The following PPFIA1 variants were observed in gnomAD, a reference collection of about 807,000 sequenced individuals.
The protein encoded by PPFIA1 is liprin-alpha-1.
A neutral mutation model predicts 149.9 loss-of-function variants in PPFIA1; 25 were observed. That is an observed-to-expected ratio of 0.17 (90% CI 0.12 to 0.23). The LOEUF (loss-of-function observed/expected upper bound fraction) is 0.23, where lower values mean the gene tolerates loss of function less well. PPFIA1 is among the 10% of genes least tolerant of loss of function. PPFIA1 has a pLI of 1.00. For synonymous variants in PPFIA1, 549 were observed against 552.8 expected (o/e 0.99, Z 0.10); for missense variants, 1,362 against 1,506.5 (o/e 0.90, Z 1.59).
intron 2 of PPFIA1, among the ~76,000 whole-genome samples, chr11:70,289,195 C>G (rs1279849564): frequency 6.6e-6 from 1 of 151,878 alleles, no homozygotes; most frequent in Non-Finnish European, 1.5e-5. Flanking sequence ...TGGTTTTGAA[C>G]TCCTGACCTC....
intron 9 of PPFIA1, among the ~76,000 whole-genome samples, chr11:70,333,252 G>A (rs1375066416): frequency 6.6e-6 from 1 of 152,194 alleles, no homozygotes; most frequent in East Asian, 1.9e-4. Flanking sequence ...GCCAGCAGCA[G>A]CCATGCTTCA....
At chr11:70,334,558 A>G (rs1051750616) in intron 10 of PPFIA1, 1 of 152,244 alleles carries the variant, frequency 6.6e-6, no homozygotes, top group Non-Finnish European at 1.5e-5. Flanking sequence ...ATAAGCACAA[A>G]GAAGGATATT....
chr11:70,315,678 GTTTTTTTTT>G (rs71049904), intron 2 of PPFIA1, among the ~76,000 whole-genome samples: 1,035 of 73,136 alleles, frequency 0.014, 18 homozygotes, highest in African/African-American at 0.051. Flanking sequence ...CTTTTTTTCT[GTTTTTTTTT>G]TTTTTTTTTT....
chr11:70,295,541 G>T (rs1385960141), intron 2 of PPFIA1, among the ~76,000 whole-genome samples: 2 of 141,962 alleles, frequency 1.4e-5, no homozygotes, highest in African/African-American at 5.4e-5. Context: ...CGGACGGGGC[G>T]GCTGGCCGGG....
At position 70,309,909 on chromosome 11, in the gene PPFIA1, G is replaced by A. The variant is rs575581963; in HGVS notation, c.265-14493G>A. On this transcript the variant is annotated intron_variant, in intron 2 of 27. Transcript: ENST00000253925. ...GGTTTTTTTGGGGGGTGACGAAAAT[G>A]TTTTGAATTAGATAGTGGTAATGGT... Among the ~76,000 whole-genome samples, 32 of 152,234 alleles carry A rather than the reference G, an allele frequency of 2.1e-4. No individual in the cohort carries two copies. The South Asian group carries it at 6.6e-3, about 32-fold the overall frequency.
chr11:70,279,183 G>A, intron 2 of PPFIA1: 1 of 440,184 alleles, frequency 2.3e-6, no homozygotes, highest in Non-Finnish European at 4.3e-6. Context: ...GATTGTCCTA[G>A]ATTTCAGGTG....
chr11:70,345,702 C>G (rs575179347), intron 15 of PPFIA1, among the ~76,000 whole-genome samples: 1 of 152,254 alleles, frequency 6.6e-6, no homozygotes, highest in East Asian at 1.9e-4. Context: ...TAGTGCATAC[C>G]TGTCACACCA....
At chr11:70,375,202 A>AAC in intron 24 of PPFIA1, 109 bp downstream of exon 24, 2 of 346,728 alleles carry the variant, frequency 5.8e-6, no homozygotes, top group Non-Finnish European at 8.4e-6. Flanking sequence ...AAAAAAAAAA[A>AAC]CTTCAGACAA....
chr11:70,357,614 T>A (rs1222038008), intron 19 of PPFIA1, among the ~76,000 whole-genome samples: 1 of 148,112 alleles, frequency 6.8e-6, no homozygotes, highest in Non-Finnish European at 1.5e-5. Flanking sequence ...TGAGATGGAG[T>A]CTCGCTCTGT....
Position 70,326,784 on chromosome 11 carries a change from A to G in PPFIA1, c.896A>G (p.Glu299Gly). Residue 299 changes from glutamate to glycine, a missense_variant, in exon 7 of 28, where the codon GAA (glutamate) becomes GGA (glycine). Glu to Gly is a moderately conservative substitution (Grantham distance 98). Transcript: ENST00000253925. The part of the protein sequence containing the change: ...TARKDLIKSE[E>G]MNTKLQRDVR... ...AGAAAAGATCTCATCAAATCTGAAGAAATGAACACAAAATTGCAACGAGAT... is the reference window on the plus strand; with the variant it reads ...AGAAAAGATCTCATCAAATCTGAAGGAATGAACACAAAATTGCAACGAGAT... The G allele has an allele frequency of 6.2e-7, 1 of 1,614,174 alleles. No individual in the cohort carries two copies. The highest frequency in any genetic ancestry group is 8.5e-7 in the Non-Finnish European group (1 of 1,180,022).
intron 1 of PPFIA1, 104 bp from the exon 2 acceptor site, chr11:70,272,069 A>G: frequency 7.9e-7 from 1 of 1,271,798 alleles, no homozygotes; most frequent in Non-Finnish European, 1.1e-6. Context: ...TCTGAGCATA[A>G]TGAGACTGCC....
At chr11:70,281,264 C>A (rs1034991987) in intron 2 of PPFIA1, among the ~76,000 whole-genome samples, 1 of 152,200 alleles carries the variant, frequency 6.6e-6, no homozygotes, top group Non-Finnish European at 1.5e-5. Context: ...TCATCTGGCA[C>A]ATGCCCAGAG....
At chr11:70,281,440 G>A (rs2050754508) in intron 2 of PPFIA1, among the ~76,000 whole-genome samples, 1 of 152,130 alleles carries the variant, frequency 6.6e-6, no homozygotes, top group Admixed American at 6.5e-5. Flanking sequence ...CCTCTTTCTT[G>A]GCGTGTCCTG....
chr11:70,338,285 G>A (rs2055103569), intron 12 of PPFIA1, 89 bp from the exon 13 acceptor site: 4 of 1,062,728 alleles, frequency 3.8e-6, no homozygotes, highest in Non-Finnish European at 5.7e-6. Context: ...ACCTGTTAGG[G>A]TTATGCCCAA....
intron 7 of PPFIA1, 25 bp downstream of exon 7, chr11:70,326,843 C>A (rs771563606): frequency 3.2e-6 from 5 of 1,577,030 alleles, no homozygotes; most frequent in South Asian, 2.2e-5. Context: ...AAACTACAGT[C>A]TTGTCATGAA....
intron 2 of PPFIA1, among the ~76,000 whole-genome samples, chr11:70,318,856 T>C (rs2053779047): frequency 6.6e-6 from 1 of 152,244 alleles, no homozygotes; most frequent in South Asian, 2.1e-4. Flanking sequence ...GTTTTCCTCC[T>C]CATCCCTGAT....
chr11:70,322,496 G>A (rs1250247764), intron 2 of PPFIA1, among the ~76,000 whole-genome samples: 1 of 152,116 alleles, frequency 6.6e-6, no homozygotes, highest in African/African-American at 2.4e-5. Context: ...CCAGGAGCCC[G>A]CTTCTGAATG....
intron 2 of PPFIA1, among the ~76,000 whole-genome samples, chr11:70,312,847 T>A (rs1433029430): frequency 6.6e-6 from 1 of 151,678 alleles, no homozygotes; most frequent in Non-Finnish European, 1.5e-5. Flanking sequence ...CAGAGTAGAG[T>A]GGGGAAGACA....
intron 21 of PPFIA1, among the ~76,000 whole-genome samples, chr11:70,368,228 C>G (rs2057053859): frequency 6.6e-6 from 1 of 152,104 alleles, no homozygotes; most frequent in Non-Finnish European, 1.5e-5. Context: ...GATAATTACC[C>G]AAAAATGTTT....
Sources: allele counts gnomAD v4.1 joint callset (sites outside exome capture counted in the v4.1 genomes callset), GRCh38; gene constraint gnomAD v4.1.1; transcripts MANE v1.5; gene names NCBI Gene and HGNC (gene_info 2026-07-23, HGNC 2026-07-21).